PCDHGB4: variants seen among roughly 807,000 people sequenced by gnomAD.
The protein encoded by PCDHGB4 is protocadherin gamma subfamily B, 4.
In PCDHGB4, 38 loss-of-function variants were observed where a neutral mutation model predicts 60.5. That is an observed-to-expected ratio of 0.63 (90% confidence interval 0.48 to 0.82). The LOEUF (loss-of-function observed/expected upper bound fraction) is 0.82. Among genes scored for constraint, PCDHGB4 ranks in the 40% least tolerant of loss-of-function variants. PCDHGB4 has a pLI of 0.00. For synonymous variants in PCDHGB4, 456 were observed against 509.7 expected, an observed-to-expected ratio of 0.89 and a Z score of 1.42; for missense variants, 1,109 against 1,209.6, an observed-to-expected ratio of 0.92 and a Z score of 1.23.
Position 141,399,689 on chromosome 5 carries a change from T to C in PCDHGB4, c.2397+9408T>C, listed in dbSNP as rs199516491. 502 of 1,613,550 alleles carry C rather than the reference T, an allele frequency of 3.1e-4. 1 individual carries two copies. Among genetic ancestry groups the C allele is most frequent in the Non-Finnish European group, 3.8e-4 (448 of 1,179,874 alleles). On this transcript the variant is annotated intron_variant, in intron 1 of 3. Transcript: ENST00000519479. ...CAGCGCGCCTTTGACTACGAGCAGC[T>C]GCGCACCTTCGAACTCACACTACAG...
At chr5:141,405,767 T>C (rs957910070) in intron 1 of PCDHGB4, among the ~76,000 whole-genome samples, 2 of 152,128 alleles carry the variant, frequency 1.3e-5, no homozygotes, top group African/African-American at 4.8e-5. Flanking sequence ...CGTGAGCCAC[T>C]GCGCCTGGCC....
chr5:141,453,540 A>G (rs890130466), intron 1 of PCDHGB4, among the ~76,000 whole-genome samples: 2 of 152,058 alleles, frequency 1.3e-5, no homozygotes, highest in Non-Finnish European at 2.9e-5. Context: ...CCTCATTCAC[A>G]CCACACTCTG....
Position 141,489,252 on chromosome 5 carries a change from G to A in PCDHGB4, c.2398-5555G>A. 2 of 1,547,622 alleles carry A rather than the reference G, an allele frequency of 1.3e-6. No individual in the cohort carries two copies. Among genetic ancestry groups the A allele is most frequent in the Non-Finnish European group, 1.7e-6 (2 of 1,147,198 alleles). On this transcript the variant is annotated intron_variant, in intron 1 of 3. Coordinates refer to ENST00000519479, the MANE Select transcript of PCDHGB4 (RefSeq NM_003736.4). The surrounding 1 kb of genome is among the most constrained non-coding windows in gnomAD (Gnocchi z 4.5). ...GGGACTTCTGGGTCATGGGGCCCAAGACACTCCCACAGCTCGCTGGGAAAT... is the reference window on the plus strand; with the variant it reads ...GGGACTTCTGGGTCATGGGGCCCAAAACACTCCCACAGCTCGCTGGGAAAT...
intron 1 of PCDHGB4, among the ~76,000 whole-genome samples, chr5:141,459,759 G>A (rs1164466104): frequency 7.2e-5 from 11 of 152,206 alleles, no homozygotes; most frequent in Non-Finnish European, 2.9e-5. Context: ...TCTAGTGGGT[G>A]TGTGATACTA....
chr5:141,395,558 G>A (rs60237573), intron 1 of PCDHGB4: 1 of 127,936 alleles, frequency 7.8e-6, no homozygotes, highest in South Asian at 2.0e-4. Flanking sequence ...GTGTGTGTGT[G>A]TGTGTGTGTG....
chr5:141,463,467 G>A (rs200270457), intron 1 of PCDHGB4, among the ~76,000 whole-genome samples: 2,116 of 11,250 alleles, frequency 0.19, 39 homozygotes, highest in East Asian at 0.24. Context: ...TTTTTTTTTT[G>A]AGATGGAGTC....
At position 141,476,395 on chromosome 5, in the gene PCDHGB4, T is replaced by C. The variant is rs545562470; in HGVS notation, c.2398-18412T>C. 4 of 1,614,020 alleles carry C rather than the reference T, an allele frequency of 2.5e-6. 1 individual carries two copies. In the South Asian group the frequency reaches 4.4e-5, roughly 18 times the overall value. On this transcript the variant is annotated intron_variant, in intron 1 of 3. Transcript: ENST00000519479. This position sits in a 1 kb window ranked among gnomAD's most constrained non-coding sequence, Gnocchi z 7.6. ...AGATGTTTGTGAACGACCGTCTGGATCGAGAGGAGCTGTGTGGGACACTGC... is the reference window on the plus strand; with the variant it reads ...AGATGTTTGTGAACGACCGTCTGGACCGAGAGGAGCTGTGTGGGACACTGC...
At chr5:141,495,379 C>T (rs989240656) in intron 2 of PCDHGB4, among the ~76,000 whole-genome samples, 3 of 152,208 alleles carry the variant, frequency 2.0e-5, no homozygotes, top group Non-Finnish European at 4.4e-5. Context: ...TGAGGAAGGA[C>T]TGGGCGGGGC....
chr5:141,403,442 G>C (rs565143998), intron 1 of PCDHGB4: 1 of 1,614,024 alleles, frequency 6.2e-7, no homozygotes, highest in East Asian at 2.2e-5. Flanking sequence ...GGATGTTGGC[G>C]TGAACTCCCT....
At chr5:141,419,204 G>A (rs1291977951) in intron 1 of PCDHGB4, 1 of 1,613,798 alleles carries the variant, frequency 6.2e-7, no homozygotes, top group Non-Finnish European at 8.5e-7. Flanking sequence ...CAATGACAAC[G>A]CGCCGGTTTT....
intron 1 of PCDHGB4, chr5:141,395,358 G>A: frequency 1.5e-6 from 2 of 1,346,158 alleles, no homozygotes; most frequent in Non-Finnish European, 9.9e-7. Context: ...ACAGAGTTTT[G>A]GGTTTATTTT....
In PCDHGB4 at chr5:141,398,692, A is replaced by G. The variant is rs150385715; in HGVS notation, c.2397+8411A>G. 1.9e-3 allele frequency: 3,041 copies of G among 1,613,942 alleles called. 6 individuals carry two copies. Among genetic ancestry groups the G allele is most frequent in the Non-Finnish European group, 2.3e-3 (2,760 of 1,179,898 alleles). On this transcript the variant is annotated intron_variant, in intron 1 of 3. Coordinates refer to ENST00000519479, the MANE Select transcript of PCDHGB4 (RefSeq NM_003736.4). The stretch of plus-strand genomic sequence containing the variant: ...AATAATTAAGGAGAAACAGGATGGT[A>G]GTAAATACCCGGAACTGGCACTGGA...
rs186593502 is a variant in PCDHGB4 at position 141,429,415 on chromosome 5, A to G, written c.2397+39134A>G. Among the ~76,000 whole-genome samples, 582 of 151,976 alleles carry G rather than the reference A, an allele frequency of 3.8e-3. 6 individuals carry two copies. The highest frequency in any genetic ancestry group is 0.011 in the Admixed American group (171 of 15,260). ...AAAAAATTGAGATTAAGGTCTCATT[A>G]TGTTGCCCAGGCTGGACTCAAACTC... is the stretch of plus-strand genomic sequence containing the variant. On this transcript the variant is annotated intron_variant, in intron 1 of 3. Transcript: ENST00000519479.
At chr5:141,415,129 G>C in intron 1 of PCDHGB4, 1 of 1,613,656 alleles carries the variant, frequency 6.2e-7, no homozygotes, top group African/African-American at 1.3e-5. Flanking sequence ...GGCCGTCCAG[G>C]ACCACGGCCA....
chr5:141,509,979 T>C (rs908103989), intron 3 of PCDHGB4, among the ~76,000 whole-genome samples: 4 of 152,204 alleles, frequency 2.6e-5, no homozygotes, highest in African/African-American at 7.2e-5. Context: ...CTTCTAACAC[T>C]TGGTTCCCTC....
At chr5:141,418,373 C>T (rs936895178) in intron 1 of PCDHGB4, 1 of 1,614,006 alleles carries the variant, frequency 6.2e-7, no homozygotes, top group Non-Finnish European at 8.5e-7. Context: ...CAAATACCAA[C>T]TAAGTCCTAA....
At chr5:141,474,606 T>C (rs1156236978) in intron 1 of PCDHGB4, among the ~76,000 whole-genome samples, 1 of 152,242 alleles carries the variant, frequency 6.6e-6, no homozygotes, top group Non-Finnish European at 1.5e-5. Context: ...ATAGGTCACA[T>C]ATGGCTTTTC....
intron 1 of PCDHGB4, chr5:141,399,317 C>T (rs368407532): frequency 2.0e-5 from 33 of 1,613,814 alleles, no homozygotes; most frequent in Non-Finnish European, 2.8e-5. Flanking sequence ...TCCAAAAATT[C>T]GTATAAGTTG....
intron 1 of PCDHGB4, chr5:141,423,360 G>T (rs762976655): frequency 1.2e-6 from 2 of 1,614,224 alleles, no homozygotes; most frequent in South Asian, 2.2e-5. Context: ...TTGTCATCGT[G>T]CTGCTGGCAC....
Sources: gnomAD v4.1 joint callset for allele counts (sites outside exome capture counted in the v4.1 genomes callset) on GRCh38, gnomAD v4.1.1 for gene constraint, Gnocchi (gnomAD v3.1) non-coding constraint, MANE v1.5 for transcripts, NCBI Gene and HGNC (gene_info 2026-07-23, HGNC 2026-07-21) for gene names.